Variants in COP1 observed in about 807,000 individuals in gnomAD.
The protein encoded by COP1 is COP1 E3 ubiquitin ligase.
Under a neutral mutation model 101.3 loss-of-function variants are expected in COP1, and 24 were observed. That is an observed-to-expected ratio of 0.24 (90% CI 0.17 to 0.33). COP1 has a LOEUF of 0.33. Among genes scored for constraint, COP1 ranks in the 10% least tolerant of loss-of-function variants. The probability of loss-of-function intolerance (pLI) is 1.00; values close to 1 mark genes in which losing one functional copy is unlikely to be tolerated. For synonymous variants in COP1, 347 were observed against 341.9 expected (o/e 1.01, Z -0.17); for missense variants, 663 against 906.2 (o/e 0.73, Z 3.45).
chr1:176,061,543 T>C (rs138875167), intron 11 of COP1, among the ~76,000 whole-genome samples: 146 of 152,268 alleles, frequency 9.6e-4, no homozygotes, highest in African/African-American at 3.2e-3. Flanking sequence ...GGAGAATCAC[T>C]TGAACCCCGG....
intron 9 of COP1, among the ~76,000 whole-genome samples, chr1:176,106,774 C>A (rs1398865755): frequency 6.6e-6 from 1 of 152,178 alleles, no homozygotes; most frequent in Non-Finnish European, 1.5e-5. Flanking sequence ...AACAGCACAG[C>A]GGCTCTGCAT....
intron 5 of COP1, among the ~76,000 whole-genome samples, chr1:176,151,414 A>AAAGAAAGG: frequency 6.9e-6 from 1 of 144,358 alleles, no homozygotes; most frequent in Non-Finnish European, 1.5e-5. Context: ...AGAAAGAAAG[A>AAAGAAAGG]AAGAAACATA....
chr1:176,145,495 C>T (rs1371845024), intron 6 of COP1, among the ~76,000 whole-genome samples: 1 of 152,108 alleles, frequency 6.6e-6, no homozygotes, highest in Non-Finnish European at 1.5e-5. Flanking sequence ...CTCATCAATT[C>T]CACTTCTAAA....
At chr1:176,143,241 AC>A (rs1459305434) in intron 6 of COP1, among the ~76,000 whole-genome samples, 3 of 152,250 alleles carry the variant, frequency 2.0e-5, no homozygotes, top group Middle Eastern at 3.4e-3. Context: ...GACCAATCTT[AC>A]GCCAATAAAT....
At chr1:175,973,937 T>C (rs897710923) in intron 18 of COP1, among the ~76,000 whole-genome samples, 1 of 152,224 alleles carries the variant, frequency 6.6e-6, no homozygotes, top group African/African-American at 2.4e-5. Flanking sequence ...TTGAGGATCC[T>C]ACAGGCAGTT....
chr1:176,195,442 C>T (rs1699566972), intron 1 of COP1, among the ~76,000 whole-genome samples: 1 of 152,082 alleles, frequency 6.6e-6, no homozygotes, highest in African/African-American at 2.4e-5. Flanking sequence ...TGGGAGTATA[C>T]TGAACTTAAA....
At chr1:176,110,660 A>G (rs538405051) in intron 9 of COP1, among the ~76,000 whole-genome samples, 1 of 152,338 alleles carries the variant, frequency 6.6e-6, no homozygotes, top group South Asian at 2.1e-4. Context: ...AAACAAAAAA[A>G]CAAAACAACA....
intron 15 of COP1, 26 bp downstream of exon 15, chr1:176,027,546 A>G (rs780298139): frequency 1.5e-6 from 2 of 1,321,978 alleles, no homozygotes; most frequent in African/African-American, 1.4e-5. Context: ...ACATCAAAGG[A>G]AGACAAATCT....
intron 18 of COP1, among the ~76,000 whole-genome samples, chr1:175,962,871 A>G (rs549592315): frequency 6.6e-6 from 1 of 152,332 alleles, no homozygotes; most frequent in South Asian, 2.1e-4. Flanking sequence ...CAGAAAAAAA[A>G]TTAAGTTGTG....
At chr1:176,188,962 T>C (rs554524910) in intron 1 of COP1, among the ~76,000 whole-genome samples, 14 of 152,214 alleles carry the variant, frequency 9.2e-5, no homozygotes, top group African/African-American at 3.4e-4. Context: ...AAAAAATATG[T>C]AGAGACAGTA....
In COP1 at chr1:176,075,313, T is replaced by C. The variant is rs574415491; in HGVS notation, c.1277+5839A>G. Among the ~76,000 whole-genome samples the C allele has an allele frequency of 1.4e-4, 22 of 152,320 alleles. No individual in the cohort carries two copies. In the South Asian group the frequency reaches 4.1e-3, roughly 29 times the overall value. Reference sequence around the variant, plus strand: ...GAATACAATAAAAGATCTCCTCCAATAGTTTCTTTAGCTAATGGCTTAAAT... The same window carrying C: ...GAATACAATAAAAGATCTCCTCCAACAGTTTCTTTAGCTAATGGCTTAAAT... On this transcript the variant is annotated intron_variant, in intron 11 of 19. Coordinates refer to ENST00000367669, the MANE Select transcript of COP1 (RefSeq NM_022457.7).
At chr1:176,127,187 C>T (rs999215879) in intron 8 of COP1, among the ~76,000 whole-genome samples, 4 of 152,094 alleles carry the variant, frequency 2.6e-5, no homozygotes, top group Admixed American at 2.6e-4. Flanking sequence ...ATATCCACCA[C>T]CTCAAATATT....
chr1:176,044,467 T>C (rs1671165387), intron 12 of COP1, among the ~76,000 whole-genome samples: 1 of 152,222 alleles, frequency 6.6e-6, no homozygotes, highest in African/African-American at 2.4e-5. Context: ...AGAAGTTACT[T>C]AGAAGGCAGT....
At chr1:176,136,619 T>C in intron 6 of COP1, 72 bp from the exon 7 acceptor site, 1 of 953,040 alleles carries the variant, frequency 1.0e-6, no homozygotes, top group South Asian at 1.6e-5. Context: ...ATCACCATGA[T>C]CATAAAATAA....
intron 2 of COP1, among the ~76,000 whole-genome samples, chr1:176,177,955 T>C (rs1158324799): frequency 6.6e-6 from 1 of 152,116 alleles, no homozygotes; most frequent in Admixed American, 6.5e-5. Flanking sequence ...CTGAAGTAAA[T>C]GCCAGGCACA....
rs142925366 is a variant in COP1 at position 176,011,201 on chromosome 1, A to T, written c.1729+16371T>A. Among the ~76,000 whole-genome samples the T allele has an allele frequency of 1.0e-3, 159 of 152,328 alleles. 1 individual carries two copies. The highest frequency in any genetic ancestry group is 3.7e-3 in the African/African-American group (154 of 41,584). ...AATAGTGCTGTCCAGTACAGTAGTC[A>T]CTAGCCACATGTGGTTATTTAAGTT... On this transcript the variant is annotated intron_variant, in intron 15 of 19. Transcript: ENST00000367669.
intron 11 of COP1, among the ~76,000 whole-genome samples, chr1:176,062,149 C>T (rs1244261085): frequency 2.0e-5 from 3 of 152,034 alleles, no homozygotes; most frequent in Non-Finnish European, 4.4e-5. Context: ...TACAGGCGCC[C>T]GCCAGCACGC....
intron 18 of COP1, among the ~76,000 whole-genome samples, chr1:175,973,771 G>A (rs76014509): frequency 6.6e-6 from 1 of 152,092 alleles, no homozygotes; most frequent in Non-Finnish European, 1.5e-5. Context: ...TAATATTTTT[G>A]TGGCTACAAA....
chr1:176,051,708 A>G (rs1235572308), intron 11 of COP1, among the ~76,000 whole-genome samples: 4 of 152,220 alleles, frequency 2.6e-5, no homozygotes, highest in Admixed American at 2.6e-4. Flanking sequence ...CAGTGAGACA[A>G]GATGTGGAAG....
Sources: allele counts gnomAD v4.1 joint callset (sites outside exome capture counted in the v4.1 genomes callset), GRCh38; gene constraint gnomAD v4.1.1; transcripts MANE v1.5; gene names NCBI Gene and HGNC (gene_info 2026-07-23, HGNC 2026-07-21).